MKLN1: variants seen among roughly 807,000 people sequenced by gnomAD.
MKLN1 encodes the protein muskelin 1.
Under a neutral mutation model 99.0 loss-of-function variants are expected in MKLN1, and 18 were observed. The ratio of observed to expected loss-of-function variants is 0.18; its 90% confidence interval spans 0.13 to 0.27. The LOEUF (loss-of-function observed/expected upper bound fraction) is 0.27, where lower values mean the gene tolerates loss of function less well. Among genes scored for constraint, MKLN1 ranks in the 10% least tolerant of loss-of-function variants. The probability of loss-of-function intolerance (pLI) is 1.00; values close to 1 mark genes in which losing one functional copy is unlikely to be tolerated. For missense variants in MKLN1, 621 were observed against 875.9 expected (o/e 0.71, Z 3.67); for synonymous variants, 288 against 293.2 (o/e 0.98, Z 0.18).
intron 17 of MKLN1, among the ~76,000 whole-genome samples, chr7:131,481,898 G>T (rs565114712): frequency 6.7e-6 from 1 of 150,248 alleles, no homozygotes; most frequent in Non-Finnish European, 1.5e-5. Context: ...CCCTTAGTGA[G>T]AATTAAATAA....
chr7:131,136,631 T>C (rs754084661), intron 1 of MKLN1, among the ~76,000 whole-genome samples: 7 of 152,202 alleles, frequency 4.6e-5, no homozygotes, highest in Non-Finnish European at 5.9e-5. Context: ...TTTCCCTTCA[T>C]AGAAGCATTT....
chr7:131,414,566 T>G (rs1794962506), intron 7 of MKLN1, 79 bp from the exon 8 acceptor site: 1 of 977,618 alleles, frequency 1.0e-6, no homozygotes, highest in Non-Finnish European at 1.5e-6. Flanking sequence ...TACTACTGAT[T>G]ACAGACTTAT....
At position 131,191,717 on chromosome 7, in the gene MKLN1, CT is replaced by C. The variant is rs566378729; in HGVS notation, c.-296-11126del. Among the ~76,000 whole-genome samples the C allele has an allele frequency of 1.3e-3, 174 of 137,782 alleles. 1 individual carries two copies. The highest frequency in any genetic ancestry group is 3.6e-3 in the Middle Eastern group (1 of 276). 90.4% of individuals were successfully genotyped at this position (137,782 alleles called of 152,430 possible). A position where few individuals can be genotyped will look rare whatever the true frequency, so the allele number is the denominator to read the frequency against. On this transcript the variant is annotated intron_variant, in intron 2 of 7. Coordinates refer to the MKLN1 transcript ENST00000416992. The stretch of plus-strand genomic sequence containing the variant: ...TGCTGTATATATTTCCTTTTTTTTC[CT>C]TTTTTTTTTTTTTGAGACAGAGTCT...
chr7:131,464,582 A>G (rs899930853), intron 14 of MKLN1, among the ~76,000 whole-genome samples, 174 bp downstream of exon 14: 4 of 152,256 alleles, frequency 2.6e-5, no homozygotes, highest in African/African-American at 7.2e-5. Context: ...CCTTAAGAGA[A>G]TAAGCATTTT....
intron 1 of MKLN1, among the ~76,000 whole-genome samples, chr7:131,119,626 C>T (rs543741637): frequency 9.2e-5 from 14 of 152,310 alleles, no homozygotes; most frequent in African/African-American, 3.4e-4. Context: ...CAGACATTTC[C>T]GTGCATCCTC....
In MKLN1 at chr7:131,302,994, G is replaced by A. The variant is rs138629371; in HGVS notation, c.-178-72430G>A. On this transcript the variant is annotated intron_variant, in intron 3 of 7. Transcript: ENST00000416992. ...TCTCTAGATTTATGCTTGTGTGGATGTGTTTCAGCTACTGTTTCTTTCTGA... is the reference window on the plus strand; with the variant it reads ...TCTCTAGATTTATGCTTGTGTGGATATGTTTCAGCTACTGTTTCTTTCTGA... 1.9e-3 allele frequency among the ~76,000 whole-genome samples: 292 copies of A among 152,274 alleles called. 1 individual carries two copies. In the East Asian group the frequency reaches 0.032, roughly 17 times the overall value.
At chr7:131,361,274 A>G (rs996548186) in intron 1 of MKLN1, among the ~76,000 whole-genome samples, 1 of 151,710 alleles carries the variant, frequency 6.6e-6, no homozygotes, top group African/African-American at 2.4e-5. Flanking sequence ...TGCATCTGTT[A>G]TAGCTTTTTT....
At position 131,495,378 on chromosome 7, in the gene MKLN1, A is replaced by C. The variant is rs774885059; in HGVS notation, c.*7650A>C. On this transcript the variant is annotated 3_prime_UTR_variant, in exon 18 of 18. Transcript: ENST00000352689. ...GGACTGGAAATGTGGTGCTGTAACC[A>C]GCTGAGCCGAAAGTTGGAGAATGTT... The C allele has an allele frequency of 6.6e-6, 1 of 152,228 alleles. No homozygotes were observed. The highest frequency in any genetic ancestry group is 1.5e-5 in the Non-Finnish European group (1 of 68,038). The allele number at this position is 152,228 out of a possible 1,614,324, so 9.4% of individuals were successfully genotyped here.
intron 1 of MKLN1, among the ~76,000 whole-genome samples, chr7:131,370,192 T>A (rs761242492): frequency 3.8e-4 from 58 of 152,202 alleles, no homozygotes; most frequent in Non-Finnish European, 7.6e-4. Flanking sequence ...CTGATGGATA[T>A]TCAGTTGTGC....
intron 1 of MKLN1, among the ~76,000 whole-genome samples, chr7:131,370,774 T>C (rs544755028): frequency 1.3e-5 from 2 of 152,304 alleles, no homozygotes; most frequent in African/African-American, 2.4e-5. Flanking sequence ...GCAATACTTA[T>C]GCAGTTGATG....
chr7:131,357,833 A>G (rs1799927098), intron 1 of MKLN1, among the ~76,000 whole-genome samples: 1 of 151,788 alleles, frequency 6.6e-6, no homozygotes, highest in Non-Finnish European at 1.5e-5. Flanking sequence ...TGTTCCTTTT[A>G]TTGGAGAAAG....
At chr7:131,290,142 C>T (rs1175712765) in intron 3 of MKLN1, among the ~76,000 whole-genome samples, 2 of 152,120 alleles carry the variant, frequency 1.3e-5, no homozygotes, top group Non-Finnish European at 2.9e-5. Flanking sequence ...CTCATCTCTA[C>T]TAAAAATACA....
rs1027847715 is a variant in MKLN1 at position 131,347,247 on chromosome 7, G to C, written c.98+19250G>C. On this transcript the variant is annotated intron_variant, in intron 1 of 17. Transcript: ENST00000352689. ...AAGAAAGGCTCAGTTGAAGTCATTA[G>C]TTTGAACAGCCTTGCTGATTGTCAA... Among the ~76,000 whole-genome samples the C allele has an allele frequency of 3.3e-5, 5 of 152,372 alleles. No homozygotes were observed. The East Asian group carries it at 9.6e-4, about 29-fold the overall frequency.
At chr7:131,269,534 CA>C (rs1452527331) in intron 3 of MKLN1, among the ~76,000 whole-genome samples, 4 of 152,222 alleles carry the variant, frequency 2.6e-5, no homozygotes, top group Non-Finnish European at 5.9e-5. Flanking sequence ...TAAGTTTTAA[CA>C]TATAAATGTG....
chr7:131,464,990 C>G (rs1248433188), intron 14 of MKLN1, among the ~76,000 whole-genome samples: 1 of 152,064 alleles, frequency 6.6e-6, no homozygotes, highest in African/African-American at 2.4e-5. Flanking sequence ...GAGACCAATT[C>G]TTTCTGTTAA....
intron 3 of MKLN1, among the ~76,000 whole-genome samples, chr7:131,255,873 G>A (rs1377961950): frequency 2.2e-5 from 3 of 136,042 alleles, no homozygotes; most frequent in Admixed American, 7.4e-5. Flanking sequence ...GAGCCACTGT[G>A]CCCGACCTAT....
intron 2 of MKLN1, among the ~76,000 whole-genome samples, chr7:131,191,628 GAA>G: frequency 6.6e-6 from 1 of 151,996 alleles, no homozygotes; most frequent in African/African-American, 2.4e-5. Context: ...CAAGGAGAGA[GAA>G]AGATAAAAAT....
At chr7:131,175,992 T>C (rs535314071) in intron 2 of MKLN1, among the ~76,000 whole-genome samples, 3 of 152,300 alleles carry the variant, frequency 2.0e-5, no homozygotes, top group South Asian at 4.1e-4. Context: ...CCAGTTGACA[T>C]TGATTATTTT....
intron 4 of MKLN1, among the ~76,000 whole-genome samples, chr7:131,395,259 A>G (rs1198130231): frequency 6.6e-6 from 1 of 152,002 alleles, no homozygotes; most frequent in Non-Finnish European, 1.5e-5. Flanking sequence ...ATTCCATGAA[A>G]AATAAATTGA....
Sources: allele counts gnomAD v4.1 joint callset (sites outside exome capture counted in the v4.1 genomes callset), GRCh38; gene constraint gnomAD v4.1.1; transcripts MANE v1.5; gene names NCBI Gene and HGNC (gene_info 2026-07-23, HGNC 2026-07-21).